The following GPATCH2 variants were observed in gnomAD, a reference collection of about 807,000 sequenced individuals.
The protein encoded by GPATCH2 is G patch domain-containing protein 2.
Under a neutral mutation model 58.0 loss-of-function variants are expected in GPATCH2, and 51 were observed. The ratio of observed to expected loss-of-function variants is 0.88; its 90% CI spans 0.70 to 1.11. The LOEUF (loss-of-function observed/expected upper bound fraction) is 1.11. Ranked by LOEUF, GPATCH2 falls within the 50% of genes most tolerant of loss-of-function variation. The probability of loss-of-function intolerance (pLI) is 0.00; values close to 1 mark genes in which losing one functional copy is unlikely to be tolerated. For synonymous variants in GPATCH2, 222 were observed against 218.5 expected (o/e 1.02, Z -0.14); for missense variants, 625 against 652.2 (o/e 0.96, Z 0.45).
chr1:217,585,092 G>A (rs1158265988), intron 5 of GPATCH2, among the ~76,000 whole-genome samples: 1 of 151,948 alleles, frequency 6.6e-6, no homozygotes, highest in Non-Finnish European at 1.5e-5. Context: ...AACCAGGAAG[G>A]TTAATCCACT....
chr1:217,598,453 AT>A (rs941564794), intron 5 of GPATCH2, among the ~76,000 whole-genome samples: 65 of 146,892 alleles, frequency 4.4e-4, no homozygotes, highest in African/African-American at 9.7e-4. Flanking sequence ...ATTAAAAAAA[AT>A]TTTTTTTTTT....
At chr1:217,576,408 T>G (rs1014586208) in intron 5 of GPATCH2, among the ~76,000 whole-genome samples, 2 of 152,110 alleles carry the variant, frequency 1.3e-5, no homozygotes, top group Non-Finnish European at 2.9e-5. Flanking sequence ...AAAAAGAAAA[T>G]GCATAAGTGT....
chr1:217,603,783 C>T lies in GPATCH2; in HGVS notation c.1098+6538G>A, dbSNP rs557527404. Among the ~76,000 whole-genome samples, 11 of 151,950 alleles carry T rather than the reference C, an allele frequency of 7.2e-5. No homozygotes were observed. In the East Asian group the frequency reaches 2.1e-3, roughly 30 times the overall value. ...GATTACAGGCACATATCACCATGCC[C>T]TGCTAATTTTTGTATTTTTAGTAGA... On this transcript the variant is annotated intron_variant, in intron 5 of 9. Transcript: ENST00000366935.
At position 217,620,634 on chromosome 1, in the gene GPATCH2, C is replaced by A; in HGVS notation, c.57-135G>T. 5.0e-6 allele frequency: 3 copies of A among 600,158 alleles called. No individual in the cohort carries two copies. In the East Asian group the frequency reaches 8.2e-5, roughly 16 times the overall value. 37.2% of individuals were successfully genotyped at this position (600,158 alleles called of 1,614,324 possible). On this transcript the variant is annotated intron_variant, in intron 1 of 9. Transcript: ENST00000366935. The stretch of plus-strand genomic sequence containing the variant: ...AATGTTTCAAAGCTAATTTTCCTAT[C>A]CAAGATATTACAGTTTTAAATATTG...
intron 8 of GPATCH2, among the ~76,000 whole-genome samples, chr1:217,490,744 T>C (rs1315296087): frequency 6.6e-6 from 1 of 152,250 alleles, no homozygotes; most frequent in Non-Finnish European, 1.5e-5. Context: ...TATTTTATAA[T>C]CTATATCTTA....
intron 8 of GPATCH2, among the ~76,000 whole-genome samples, chr1:217,459,994 T>G (rs779492474): frequency 3.3e-5 from 5 of 152,128 alleles, no homozygotes; most frequent in Admixed American, 6.5e-5. Flanking sequence ...AAGAGCAAAG[T>G]AGAGAATATA....
chr1:217,581,151 G>C (rs1039176458), intron 5 of GPATCH2, among the ~76,000 whole-genome samples: 5 of 152,000 alleles, frequency 3.3e-5, no homozygotes, highest in African/African-American at 1.2e-4. Flanking sequence ...AAGCATCTCC[G>C]CTCTACACTT....
chr1:217,564,311 A>C (rs1488417242), intron 5 of GPATCH2, among the ~76,000 whole-genome samples: 2 of 152,182 alleles, frequency 1.3e-5, no homozygotes, highest in Non-Finnish European at 2.9e-5. Flanking sequence ...CGAGGCATGT[A>C]AGGAGAAATG....
intron 5 of GPATCH2, among the ~76,000 whole-genome samples, chr1:217,540,290 C>T (rs1397364437): frequency 6.6e-6 from 1 of 152,112 alleles, no homozygotes; most frequent in African/African-American, 2.4e-5. Context: ...AGACTTGCAG[C>T]TAAGTGCCCC....
At chr1:217,585,768 T>C (rs930270983) in intron 5 of GPATCH2, among the ~76,000 whole-genome samples, 6 of 152,216 alleles carry the variant, frequency 3.9e-5, no homozygotes, top group Non-Finnish European at 8.8e-5. Flanking sequence ...GGATACATTC[T>C]GAGAAAGGCA....
chr1:217,620,408 T>C lies in GPATCH2; in HGVS notation c.148A>G (p.Thr50Ala), dbSNP rs1405467143. The change falls in exon 2 of 10, where the codon ACA becomes GCA. Residue 50 changes from threonine to alanine, a missense_variant. Physicochemically the swap from Thr to Ala is moderately conservative, Grantham distance 58 (BLOSUM62 0). Transcript: ENST00000366935. ...SEQARGGFAE[T>A]GDHSRSISCP... ...GATATACTTCGAGAATGGTCTCCTG[T>C]TTCAGCAAATCCACCTCGAGCTTGC... 1 of 1,614,046 alleles carries C rather than the reference T, an allele frequency of 6.2e-7. No homozygotes were observed. Among genetic ancestry groups the C allele is most frequent in the Non-Finnish European group, 8.5e-7 (1 of 1,179,980 alleles).
At chr1:217,559,663 G>T (rs751377491) in intron 5 of GPATCH2, among the ~76,000 whole-genome samples, 1 of 152,218 alleles carries the variant, frequency 6.6e-6, no homozygotes, top group African/African-American at 2.4e-5. Context: ...GCCCAAGCCT[G>T]GTTGAGAATG....
chr1:217,621,922 A>G (rs1669208865), intron 1 of GPATCH2, among the ~76,000 whole-genome samples: 1 of 152,218 alleles, frequency 6.6e-6, no homozygotes, highest in African/African-American at 2.4e-5. Flanking sequence ...TCATTCTCAC[A>G]CAACAACCCT....
chr1:217,509,917 T>C (rs1398707006), intron 6 of GPATCH2, among the ~76,000 whole-genome samples: 1 of 152,118 alleles, frequency 6.6e-6, no homozygotes, highest in African/African-American at 2.4e-5. Flanking sequence ...ATAAGAGAGA[T>C]AGAGAATGCT....
intron 5 of GPATCH2, among the ~76,000 whole-genome samples, chr1:217,578,557 A>G (rs2102736393): frequency 6.6e-6 from 1 of 152,260 alleles, no homozygotes; most frequent in African/African-American, 2.4e-5. Context: ...TGGTCCACCT[A>G]TTGATGAGTT....
chr1:217,439,421 A>G (rs1050991781), intron 9 of GPATCH2, among the ~76,000 whole-genome samples: 1 of 152,244 alleles, frequency 6.6e-6, no homozygotes, highest in Non-Finnish European at 1.5e-5. Context: ...AGTGGGAAAG[A>G]TCTAAAATCA....
chr1:217,593,641 G>T (rs1273148804), intron 5 of GPATCH2, among the ~76,000 whole-genome samples: 10 of 152,032 alleles, frequency 6.6e-5, no homozygotes, highest in Non-Finnish European at 1.2e-4. Flanking sequence ...AACCACCCAT[G>T]CGGTAAATAA....
intron 5 of GPATCH2, among the ~76,000 whole-genome samples, chr1:217,588,314 T>C (rs1667435639): frequency 6.6e-6 from 1 of 152,178 alleles, no homozygotes; most frequent in South Asian, 2.1e-4. Context: ...GATACCTGGC[T>C]AGCACTGTGT....
chr1:217,572,277 C>T (rs1282942689), intron 5 of GPATCH2, among the ~76,000 whole-genome samples: 2 of 151,786 alleles, frequency 1.3e-5, no homozygotes, highest in South Asian at 2.1e-4. Context: ...CTGTGTAACT[C>T]GAGAGAGTAG....
Sources: gnomAD v4.1 joint callset for allele counts (sites outside exome capture counted in the v4.1 genomes callset) on GRCh38, gnomAD v4.1.1 for gene constraint, MANE v1.5 for transcripts, NCBI Gene and HGNC (gene_info 2026-07-23, HGNC 2026-07-21) for gene names.